The following GATAD2B variants were observed in gnomAD, a reference collection of about 807,000 sequenced individuals.
GATAD2B encodes the protein GATA zinc finger domain containing 2B, also known as transcriptional repressor p66-beta.
A neutral mutation model predicts 64.3 loss-of-function variants in GATAD2B; 8 were observed. The observed-to-expected ratio is 0.12, with a 90% CI of 0.07 to 0.22. GATAD2B has a LOEUF of 0.22. Among genes scored for constraint, GATAD2B ranks in the 10% least tolerant of loss-of-function variants. The probability of loss-of-function intolerance (pLI) is 1.00; values close to 1 mark genes in which losing one functional copy is unlikely to be tolerated. For synonymous variants in GATAD2B, 281 were observed against 271.3 expected (o/e 1.04, Z -0.35); for missense variants, 453 against 752.0 (o/e 0.60, Z 4.65).
chr1:153,881,685 G>C (rs12039936), intron 1 of GATAD2B, among the ~76,000 whole-genome samples: 2 of 151,994 alleles, frequency 1.3e-5, no homozygotes, highest in African/African-American at 4.8e-5. Context: ...ACATTTTTCC[G>C]TTCCTTCCTC....
chr1:153,810,594 A>C (rs1674261182), intron 10 of GATAD2B, among the ~76,000 whole-genome samples: 1 of 152,024 alleles, frequency 6.6e-6, no homozygotes, highest in Non-Finnish European at 1.5e-5. Flanking sequence ...AGCTGGAATT[A>C]TAGGCGCGTG....
chr1:153,837,216 A>C (rs1675297280), intron 1 of GATAD2B, among the ~76,000 whole-genome samples: 1 of 152,170 alleles, frequency 6.6e-6, no homozygotes, highest in African/African-American at 2.4e-5. Context: ...AGGGCTGAGC[A>C]TGGTGGCAAG....
intron 1 of GATAD2B, among the ~76,000 whole-genome samples, chr1:153,842,870 G>A (rs1213017576): frequency 6.6e-6 from 1 of 151,514 alleles, no homozygotes; most frequent in Non-Finnish European, 1.5e-5. Context: ...GGTCAGGGTG[G>A]TCTTAAACTC....
intron 1 of GATAD2B, among the ~76,000 whole-genome samples, chr1:153,895,812 G>A (rs1173294736): frequency 6.6e-6 from 1 of 151,830 alleles, no homozygotes; most frequent in Non-Finnish European, 1.5e-5. Flanking sequence ...GGCTGAGTAC[G>A]CTGTTCATTG....
intron 1 of GATAD2B, among the ~76,000 whole-genome samples, chr1:153,845,590 A>G (rs1675655304): frequency 6.7e-6 from 1 of 148,866 alleles, no homozygotes; most frequent in South Asian, 2.1e-4. Flanking sequence ...TATAAAATAT[A>G]AAAAATTAGC....
intron 1 of GATAD2B, among the ~76,000 whole-genome samples, chr1:153,864,828 G>C (rs1349671596): frequency 2.0e-5 from 3 of 151,986 alleles, no homozygotes; most frequent in Non-Finnish European, 2.9e-5. Context: ...CAACACTTTG[G>C]GTGGCTGAGG....
chr1:153,885,138 T>C (rs1677139835), intron 1 of GATAD2B, among the ~76,000 whole-genome samples: 1 of 152,044 alleles, frequency 6.6e-6, no homozygotes, highest in South Asian at 2.1e-4. Context: ...CAGCTCACAA[T>C]TAGAGGCTGG....
chr1:153,907,962 G>A (rs1366356316), intron 1 of GATAD2B, among the ~76,000 whole-genome samples: 2 of 152,086 alleles, frequency 1.3e-5, no homozygotes, highest in Non-Finnish European at 2.9e-5. Flanking sequence ...GCGCCACCAC[G>A]TTCAGCTAAT....
At chr1:153,873,994 T>G (rs1676747764) in intron 1 of GATAD2B, among the ~76,000 whole-genome samples, 1 of 151,908 alleles carries the variant, frequency 6.6e-6, no homozygotes, top group Admixed American at 6.6e-5. Flanking sequence ...GTGCGGTGGC[T>G]CATGCCTATA....
intron 1 of GATAD2B, among the ~76,000 whole-genome samples, chr1:153,861,794 A>AT (rs369892750): frequency 0.035 from 3,296 of 94,580 alleles, 67 homozygotes; most frequent in Non-Finnish European, 0.049. Flanking sequence ...AAAAAAAAAA[A>AT]AATATATATA....
intron 1 of GATAD2B, among the ~76,000 whole-genome samples, chr1:153,843,294 T>C (rs6427310): frequency 0.69 from 104,126 of 151,628 alleles, 38,399 homozygotes; most frequent in Non-Finnish European, 0.83. Context: ...ACCACCACAC[T>C]TGGCTAATAT....
chr1:153,813,179 A>C, intron 8 of GATAD2B, 71 bp downstream of exon 8: 1 of 1,211,856 alleles, frequency 8.3e-7, no homozygotes, highest in South Asian at 1.2e-5. Context: ...CCACTCCTGC[A>C]AACTAGAAGG....
At chr1:153,900,138 G>T (rs1224438743) in intron 1 of GATAD2B, among the ~76,000 whole-genome samples, 2 of 151,812 alleles carry the variant, frequency 1.3e-5, no homozygotes, top group Admixed American at 1.3e-4. Context: ...TTTTTACTGG[G>T]CGCAGTGAGT....
chr1:153,856,168 C>T (rs1307733904), intron 1 of GATAD2B, among the ~76,000 whole-genome samples: 1 of 152,128 alleles, frequency 6.6e-6, no homozygotes, highest in Non-Finnish European at 1.5e-5. Context: ...TTATATTGGC[C>T]CACCTGGATA....
rs145753988 is a variant in GATAD2B, at chr1:153,907,670, G to A, written c.-2+15063C>T. 7.3e-3 allele frequency among the ~76,000 whole-genome samples: 1,047 copies of A among 143,666 alleles called. 10 individuals are homozygous for A. Among genetic ancestry groups the A allele is most frequent in the African/African-American group, 0.026 (1,007 of 38,584 alleles). The allele number at this position is 143,666 out of a possible 152,430, so 94.3% of individuals were successfully genotyped here. A position where few individuals can be genotyped will look rare whatever the true frequency, so the allele number is the denominator to read the frequency against. ...TTTTTTTTTTTTGAGATGGAGTCTCGCTCTGTCACCCAGGTTGGGATGCAG... is the reference window on the plus strand; with the variant it reads ...TTTTTTTTTTTTGAGATGGAGTCTCACTCTGTCACCCAGGTTGGGATGCAG... On this transcript the variant is annotated intron_variant, in intron 1 of 10. Transcript: ENST00000368655.
chr1:153,920,456 C>CT (rs1343706020), intron 1 of GATAD2B, among the ~76,000 whole-genome samples: 1 of 152,234 alleles, frequency 6.6e-6, no homozygotes. Flanking sequence ...TGGCCCTATG[C>CT]TAAGCACAGC....
chr1:153,871,690 C>T (rs1179986818), intron 1 of GATAD2B, among the ~76,000 whole-genome samples: 2 of 152,062 alleles, frequency 1.3e-5, no homozygotes, highest in African/African-American at 4.8e-5. Context: ...AGGCTGGTCT[C>T]GACCTCCTGG....
At chr1:153,853,052 CGTCACAGCATCTTTTGCCCCA>C (rs1429477605) in intron 1 of GATAD2B, 18 of 1,498,536 alleles carry the variant, frequency 1.2e-5, no homozygotes, top group Admixed American at 5.1e-5. Flanking sequence ...TCACAGTAGT[CGTCACAGCATCTTTTGCCCCA>C]GTCACAGCAC....
At chr1:153,912,712 T>G (rs1571009371) in intron 1 of GATAD2B, among the ~76,000 whole-genome samples, 2 of 152,324 alleles carry the variant, frequency 1.3e-5, no homozygotes, top group Admixed American at 1.3e-4. Context: ...TTTCAATTTC[T>G]TTACTGGTAG....
Sources: gnomAD v4.1 joint callset for allele counts (sites outside exome capture counted in the v4.1 genomes callset) on GRCh38, gnomAD v4.1.1 for gene constraint, MANE v1.5 for transcripts, NCBI Gene and HGNC (gene_info 2026-07-23, HGNC 2026-07-21) for gene names.